Variants in ASCC3 observed in about 807,000 individuals in gnomAD.
ASCC3 encodes the protein activating signal cointegrator 1 complex subunit 3, also known as ASC-1 complex subunit P200.
Under a neutral mutation model 256.3 loss-of-function variants are expected in ASCC3, and 158 were observed. The observed-to-expected ratio is 0.62, with a 90% CI of 0.54 to 0.70. ASCC3 has a LOEUF of 0.70. ASCC3 is among the 30% of genes least tolerant of loss of function. The pLI is 0.00. For synonymous variants in ASCC3, 948 were observed against 883.4 expected (o/e 1.07, Z -1.30); for missense variants, 2,259 against 2,626.0 (o/e 0.86, Z 3.05).
At chr6:100,559,476 T>A (rs1258978080) in intron 36 of ASCC3, among the ~76,000 whole-genome samples, 2 of 152,182 alleles carry the variant, frequency 1.3e-5, no homozygotes, top group Non-Finnish European at 2.9e-5. Context: ...GAGTTAATAT[T>A]TTTTTGTAAT....
chr6:100,675,490 A>G lies in ASCC3; in HGVS notation c.2286+4128T>C, dbSNP rs564668092. Among the ~76,000 whole-genome samples the G allele has an allele frequency of 3.2e-4, 48 of 152,318 alleles. No homozygotes were observed. In the South Asian group the frequency reaches 8.9e-3, roughly 28 times the overall value. On this transcript the variant is annotated intron_variant, in intron 14 of 41. Transcript: ENST00000369162. ...CTGTAATAGTAAGCATCAGATAACT[A>G]AATCAAATTGGCATTAATTCCAGTT...
chr6:100,659,107 G>A (rs1472208739), intron 16 of ASCC3, among the ~76,000 whole-genome samples: 1 of 151,206 alleles, frequency 6.6e-6, no homozygotes, highest in African/African-American at 2.4e-5. Flanking sequence ...AATTTCTCCA[G>A]TTCTCCTAAA....
chr6:100,802,759 G>T (rs942764800), intron 5 of ASCC3, among the ~76,000 whole-genome samples: 1 of 151,974 alleles, frequency 6.6e-6, no homozygotes, highest in Non-Finnish European at 1.5e-5. Flanking sequence ...AAACACTTTG[G>T]GGGGCTGAGG....
chr6:100,678,374 A>G (rs1051384453), intron 14 of ASCC3, among the ~76,000 whole-genome samples: 1 of 152,172 alleles, frequency 6.6e-6, no homozygotes, highest in African/African-American at 2.4e-5. Flanking sequence ...GGAAGGACAC[A>G]AAACTGTACA....
chr6:100,608,097 C>CATATATATGTATATATAGGTATATAT (rs1391815541), intron 30 of ASCC3, among the ~76,000 whole-genome samples: 2 of 45,026 alleles, frequency 4.4e-5, no homozygotes, highest in Non-Finnish European at 8.2e-5. Flanking sequence ...TATCTATATA[C>CATATATATGTATATATAGGTATATAT]ACATATATAT....
chr6:100,781,147 C>T (rs1342926120), intron 8 of ASCC3, among the ~76,000 whole-genome samples: 1 of 151,990 alleles, frequency 6.6e-6, no homozygotes, highest in Non-Finnish European at 1.5e-5. Context: ...TCATAATTAT[C>T]AACTATGAAC....
intron 36 of ASCC3, among the ~76,000 whole-genome samples, chr6:100,584,028 AGGTGT>A (rs1340164121): frequency 2.0e-5 from 3 of 151,924 alleles, no homozygotes; most frequent in Non-Finnish European, 4.4e-5. Flanking sequence ...ATTTTGGAAT[AGGTGT>A]GGTGTGGTGC....
At chr6:100,684,563 C>T (rs1185847079) in intron 13 of ASCC3, among the ~76,000 whole-genome samples, 1 of 152,100 alleles carries the variant, frequency 6.6e-6, no homozygotes, top group Non-Finnish European at 1.5e-5. Context: ...TAAACATAAA[C>T]AAAATTAATT....
chr6:100,856,418 C>T (rs1157695170), intron 3 of ASCC3: 1 of 982,868 alleles, frequency 1.0e-6, no homozygotes, highest in Middle Eastern at 5.2e-4. Context: ...AATACACAAG[C>T]ATGTGTTACT....
At chr6:100,583,986 TGAG>T (rs1279757114) in intron 36 of ASCC3, among the ~76,000 whole-genome samples, 1 of 152,186 alleles carries the variant, frequency 6.6e-6, no homozygotes, top group Non-Finnish European at 1.5e-5. Flanking sequence ...TTACATTTGC[TGAG>T]GAGAGCTCTA....
intron 18 of ASCC3, among the ~76,000 whole-genome samples, chr6:100,652,229 T>C (rs944430184): frequency 2.6e-5 from 4 of 152,064 alleles, no homozygotes; most frequent in Non-Finnish European, 2.9e-5. Flanking sequence ...CACTAGCAAG[T>C]GAACAAATTT....
chr6:100,576,186 A>C (rs1304212426), intron 36 of ASCC3, among the ~76,000 whole-genome samples: 2 of 152,050 alleles, frequency 1.3e-5, no homozygotes, highest in Non-Finnish European at 2.9e-5. Flanking sequence ...TTAATTATGA[A>C]GCTTACTAAT....
chr6:100,629,062 T>C lies in ASCC3; in HGVS notation c.4328A>G (p.Tyr1443Cys), dbSNP rs758156685. The C allele has an allele frequency of 4.3e-6, 7 of 1,613,704 alleles. No individual in the cohort carries two copies. Among genetic ancestry groups the C allele is most frequent in the African/African-American group, 1.3e-5 (1 of 74,904 alleles). Residue 1443 changes from tyrosine to cysteine, a missense_variant, in exon 27 of 42, where the codon TAT (tyrosine) becomes TGT (cysteine). Physicochemically the swap from Tyr to Cys is radical, Grantham distance 194. Around this residue, in one of 2 missense-constraint regions of ASCC3, gnomAD observed 1,839 missense variants for 2,206.7 expected, o/e 0.83. Transcript: ENST00000369162. Reference protein sequence around the residue: ...GVSRSWQNRNYVQQVTILIID... With the variant: ...GVSRSWQNRNCVQQVTILIID... ...GATGAGAATAGTGACTTGCTGAACA[T>C]AGTTCCTATTTTGCCAGCTTCTGCT...
At chr6:100,817,072 A>T (rs1770787299) in intron 4 of ASCC3, among the ~76,000 whole-genome samples, 1 of 152,116 alleles carries the variant, frequency 6.6e-6, no homozygotes, top group Non-Finnish European at 1.5e-5. Flanking sequence ...TCCAGGATAG[A>T]TCATATAGTT....
At position 100,718,130 on chromosome 6, in the gene ASCC3, C is replaced by T. The variant is rs370833839; in HGVS notation, c.2024G>A (p.Arg675His). The change falls in exon 12 of 42, where the codon CGT becomes CAT. Residue 675 changes from arginine to histidine, a missense_variant. Arg to His is a conservative substitution (Grantham distance 29, BLOSUM62 0). Transcript: ENST00000369162. The stretch of plus-strand genomic sequence containing the variant: ...CTGTCCAAGAGGTACTGGTCGAAAA[C>T]GGCCATCAAAGAAGAAAAGTCCAAT... ...PYIGLFFFDGRFRPVPLGQTF... is the reference protein window; with the variant it reads ...PYIGLFFFDGHFRPVPLGQTF... The T allele has an allele frequency of 3.3e-5, 54 of 1,613,448 alleles. No individual in the cohort carries two copies. Among genetic ancestry groups the T allele is most frequent in the South Asian group, 2.3e-4 (21 of 91,078 alleles).
intron 30 of ASCC3, among the ~76,000 whole-genome samples, chr6:100,622,670 G>T (rs1327702331): frequency 6.6e-6 from 1 of 151,530 alleles, no homozygotes; most frequent in Non-Finnish European, 1.5e-5. Flanking sequence ...ACAAATATTT[G>T]TTAATAAATA....
At chr6:100,549,926 C>T (rs747189307) in intron 36 of ASCC3, among the ~76,000 whole-genome samples, 20 of 151,554 alleles carry the variant, frequency 1.3e-4, no homozygotes, top group Non-Finnish European at 2.2e-4. Context: ...GGAGAGATTC[C>T]CTGCATTCCA....
At chr6:100,849,001 G>T (rs778515266) in intron 3 of ASCC3, among the ~76,000 whole-genome samples, 3 of 152,048 alleles carry the variant, frequency 2.0e-5, no homozygotes, top group Non-Finnish European at 4.4e-5. Flanking sequence ...AGCTACTCAG[G>T]AGGCTGAGGT....
Position 100,707,172 on chromosome 6 carries a change from T to G in ASCC3, c.2151+8290A>C, listed in dbSNP as rs181822313. On this transcript the variant is annotated intron_variant, in intron 13 of 41. Coordinates refer to ENST00000369162, the MANE Select transcript of ASCC3 (RefSeq NM_006828.4). ...TGAGAACTAAATCAACAGTATTTCCTTATAACCCAGTCTTTTGTGGTAGGA... is the reference window on the plus strand; with the variant it reads ...TGAGAACTAAATCAACAGTATTTCCGTATAACCCAGTCTTTTGTGGTAGGA... Among the ~76,000 whole-genome samples the G allele has an allele frequency of 2.6e-5, 4 of 152,266 alleles. No individual in the cohort carries two copies. The East Asian group carries it at 7.7e-4, about 29-fold the overall frequency.
Sources: gnomAD v4.1 joint callset for allele counts (sites outside exome capture counted in the v4.1 genomes callset) on GRCh38, gnomAD v4.1.1 for gene constraint, gnomAD v4.1.1 regional missense constraint, MANE v1.5 for transcripts, NCBI Gene and HGNC (gene_info 2026-07-23, HGNC 2026-07-21) for gene names.